Variants in CRYBB2 observed in about 807,000 individuals in gnomAD.
The protein encoded by CRYBB2 is crystallin beta B2, also known as beta-crystallin B2.
Under a neutral mutation model 24.3 loss-of-function variants are expected in CRYBB2, and 12 were observed. That is an observed-to-expected ratio of 0.49 (90% CI 0.32 to 0.80). The LOEUF is 0.80. CRYBB2 is among the 30% of genes least tolerant of loss of function. The pLI is 0.04. For missense variants in CRYBB2, 198 were observed against 268.5 expected (o/e 0.74, Z 1.83); for synonymous variants, 98 against 101.6 (o/e 0.96, Z 0.21).
rs530053381 is a variant in CRYBB2, at chr22:25,225,219, C to T, written c.173+183C>T. On this transcript the variant is annotated intron_variant, in intron 3 of 5. Transcript: ENST00000398215. ...AGCTGGGTTCAAATCCAGGTTCCACCCCTTCTGGGTTGTGTGGTGTTGGAC... is the reference window on the plus strand; with the variant it reads ...AGCTGGGTTCAAATCCAGGTTCCACTCCTTCTGGGTTGTGTGGTGTTGGAC... Among the ~76,000 whole-genome samples the T allele has an allele frequency of 5.9e-5, 9 of 152,226 alleles. No homozygotes were observed. In the East Asian group the frequency reaches 1.2e-3, roughly 20 times the overall value.
At chr22:25,225,567 G>A (rs901624713) in intron 3 of CRYBB2, among the ~76,000 whole-genome samples, 2 of 152,114 alleles carry the variant, frequency 1.3e-5, no homozygotes, top group Admixed American at 1.3e-4. Context: ...AGAGAGAAGG[G>A]GAGCTGAATG....
chr22:25,218,792 A>G (rs1377255642), upstream of CRYBB2, among the ~76,000 whole-genome samples: 32 of 107,432 alleles, frequency 3.0e-4, no homozygotes, highest in African/African-American at 4.1e-4. Context: ...GAAAGAAAGA[A>G]AGAAAGAAAG....
upstream of CRYBB2, among the ~76,000 whole-genome samples, chr22:25,218,766 AGAGAGAGAGAGAGAAGAAAG>A (rs1935244787): frequency 3.3e-5 from 1 of 30,218 alleles, no homozygotes; most frequent in Non-Finnish European, 6.1e-5. Flanking sequence ...AGAGAGAGAG[AGAGAGAGAGAGAGAAGAAAG>A]AAAGAAAGAA....
upstream of CRYBB2, among the ~76,000 whole-genome samples, chr22:25,219,160 G>A (rs542695198): frequency 6.6e-5 from 10 of 152,296 alleles, no homozygotes; most frequent in Middle Eastern, 3.4e-3. Flanking sequence ...CTGGGCTGGC[G>A]TAGGTCCTCT....
chr22:25,219,810 G>A (rs1306386216), intron 1 of CRYBB2, 144 bp downstream of exon 1: 1 of 152,172 alleles, frequency 6.6e-6, no homozygotes, highest in East Asian at 1.9e-4. Context: ...CTGGTAACTG[G>A]GAAGGGGGTT....
upstream of CRYBB2, among the ~76,000 whole-genome samples, chr22:25,218,186 G>A (rs183811008): frequency 3.2e-4 from 48 of 152,084 alleles, 1 homozygote; most frequent in East Asian, 8.0e-3. Flanking sequence ...GTGAACACGG[G>A]AGGCAGAGCT....
At chr22:25,216,456 T>C (rs1293306303), upstream of CRYBB2, among the ~76,000 whole-genome samples, 1 of 152,102 alleles carries the variant, frequency 6.6e-6, no homozygotes, top group African/African-American at 2.4e-5. Flanking sequence ...GCACCTCCCA[T>C]CCAAGGAACA....
chr22:25,218,690 A>AGAGAG (rs146184218), upstream of CRYBB2, among the ~76,000 whole-genome samples: 4 of 78,642 alleles, frequency 5.1e-5, no homozygotes, highest in Non-Finnish European at 9.1e-5. Flanking sequence ...GAAAGAAAGA[A>AGAGAG]AGAGAGAGAG....
At chr22:25,214,695 A>G (rs147236996), upstream of CRYBB2, among the ~76,000 whole-genome samples, 1 of 152,254 alleles carries the variant, frequency 6.6e-6, no homozygotes, top group Non-Finnish European at 1.5e-5. Context: ...TACAAAGGGT[A>G]TAATTACAAA....
upstream of CRYBB2, among the ~76,000 whole-genome samples, chr22:25,218,857 A>AG (rs754737906): frequency 3.5e-3 from 451 of 128,382 alleles, 6 homozygotes; most frequent in African/African-American, 0.013. Context: ...AGAAAGAAAG[A>AG]AAAGAAAGAG....
At chr22:25,226,428 T>A (rs552242134) in intron 3 of CRYBB2, among the ~76,000 whole-genome samples, 13 of 152,128 alleles carry the variant, frequency 8.5e-5, no homozygotes, top group Non-Finnish European at 1.8e-4. Context: ...CAAACTGAGC[T>A]CTGGAGCCTG....
At chr22:25,230,009 C>G (rs1470841516) in intron 5 of CRYBB2, among the ~76,000 whole-genome samples, 1 of 151,854 alleles carries the variant, frequency 6.6e-6, no homozygotes, top group East Asian at 1.9e-4. Flanking sequence ...TGTCATTTTC[C>G]ACTGAATCAA....
intron 3 of CRYBB2, 111 bp downstream of exon 3, chr22:25,225,147 G>C: frequency 1.3e-6 from 1 of 775,044 alleles, no homozygotes. Flanking sequence ...ACCAAGTTTT[G>C]GGGTCTGGCA....
chr22:25,222,761 G>A (rs1300786480), intron 2 of CRYBB2, among the ~76,000 whole-genome samples: 2 of 152,074 alleles, frequency 1.3e-5, no homozygotes, highest in Non-Finnish European at 2.9e-5. Flanking sequence ...ATCATAAAAA[G>A]TAAAAAGAAA....
chr22:25,223,272 C>T (rs548949244), intron 2 of CRYBB2, among the ~76,000 whole-genome samples: 54 of 152,324 alleles, frequency 3.5e-4, no homozygotes, highest in South Asian at 1.7e-3. Flanking sequence ...TCAGACAAGT[C>T]TGGGCTTCAA....
intron 3 of CRYBB2, among the ~76,000 whole-genome samples, chr22:25,226,030 AT>A (rs529916000): frequency 3.2e-4 from 48 of 152,364 alleles, no homozygotes; most frequent in Non-Finnish European, 5.7e-4. Flanking sequence ...TTTTTAAAAA[AT>A]ATAACATTTA....
intron 4 of CRYBB2, 141 bp downstream of exon 4, chr22:25,228,126 C>G (rs1026838340): frequency 4.7e-5 from 60 of 1,288,938 alleles, no homozygotes; most frequent in Non-Finnish European, 6.3e-5. Flanking sequence ...GGTGAGGAAC[C>G]TCCTCACTGG....
upstream of CRYBB2, among the ~76,000 whole-genome samples, chr22:25,212,405 G>A (rs1935117095): frequency 6.6e-6 from 1 of 152,214 alleles, no homozygotes; most frequent in Non-Finnish European, 1.5e-5. Flanking sequence ...AGGCATCATG[G>A]AGAGAGAAAC....
At chr22:25,219,497 G>A (rs1935284217), upstream of CRYBB2, 1 of 152,280 alleles carries the variant, frequency 6.6e-6, no homozygotes, top group African/African-American at 2.4e-5. Context: ...CACAATGTCT[G>A]TGGGCATTTG....
Sources: gnomAD v4.1 joint callset for allele counts (sites outside exome capture counted in the v4.1 genomes callset) on GRCh38, gnomAD v4.1.1 for gene constraint, MANE v1.5 for transcripts, NCBI Gene and HGNC (gene_info 2026-07-23, HGNC 2026-07-21) for gene names.